Variants in STK39 observed in about 807,000 individuals in gnomAD.
STK39 encodes the protein serine/threonine kinase 39, also known as STE20/SPS1-related proline-alanine-rich protein kinase.
Under a neutral mutation model 77.8 loss-of-function variants are expected in STK39, and 20 were observed. That is an observed-to-expected ratio of 0.26 (90% CI 0.18 to 0.37). STK39 has a LOEUF of 0.37. Ranked by LOEUF, STK39 falls within the 10% of genes least tolerant of loss-of-function variation. The pLI is 1.00. For synonymous variants in STK39, 246 were observed against 234.1 expected (o/e 1.05, Z -0.47); for missense variants, 479 against 656.5 (o/e 0.73, Z 2.95).
intron 12 of STK39, among the ~76,000 whole-genome samples, chr2:168,068,607 C>A (rs66682533): frequency 3.9e-5 from 6 of 151,968 alleles, no homozygotes; most frequent in Admixed American, 1.3e-4. Context: ...CTGCACTGTC[C>A]CTGCAACGTT....
intron 2 of STK39, among the ~76,000 whole-genome samples, chr2:168,169,898 C>T (rs1477343720): frequency 2.0e-5 from 3 of 152,106 alleles, no homozygotes; most frequent in Non-Finnish European, 4.4e-5. Flanking sequence ...ATCACTCAAC[C>T]TCACATTCTT....
At chr2:168,085,136 A>G (rs1188282435) in intron 10 of STK39, among the ~76,000 whole-genome samples, 1 of 152,252 alleles carries the variant, frequency 6.6e-6, no homozygotes, top group East Asian at 1.9e-4. Context: ...ACAAAAAGAA[A>G]CAGAATACAA....
At chr2:168,106,135 T>G (rs1686967900) in intron 10 of STK39, among the ~76,000 whole-genome samples, 1 of 152,132 alleles carries the variant, frequency 6.6e-6, no homozygotes, top group Non-Finnish European at 1.5e-5. Flanking sequence ...GCTAATTGAC[T>G]CCAGTATGTT....
At chr2:168,159,072 A>C (rs942353297) in intron 5 of STK39, among the ~76,000 whole-genome samples, 3 of 152,224 alleles carry the variant, frequency 2.0e-5, no homozygotes, top group Non-Finnish European at 4.4e-5. Flanking sequence ...CCTAAAAAAA[A>C]ACAAAAATCA....
intron 16 of STK39, among the ~76,000 whole-genome samples, chr2:167,994,629 C>T (rs1244694737): frequency 6.6e-6 from 1 of 152,198 alleles, no homozygotes; most frequent in Non-Finnish European, 1.5e-5. Context: ...CCAGCAACCA[C>T]AAATCTACTT....
At chr2:168,220,690 A>G (rs952467855) in intron 1 of STK39, among the ~76,000 whole-genome samples, 1 of 152,188 alleles carries the variant, frequency 6.6e-6, no homozygotes, top group Admixed American at 6.5e-5. Flanking sequence ...CAATATTTCT[A>G]GGGAAATTTT....
chr2:168,155,721 C>T (rs1383241159), intron 5 of STK39, among the ~76,000 whole-genome samples: 2 of 152,136 alleles, frequency 1.3e-5, no homozygotes, highest in African/African-American at 4.8e-5. Flanking sequence ...AGTGATATTC[C>T]CCATTAAAAA....
intron 10 of STK39, among the ~76,000 whole-genome samples, chr2:168,096,718 C>A (rs766846587): frequency 2.0e-5 from 3 of 152,094 alleles, no homozygotes; most frequent in Non-Finnish European, 4.4e-5. Context: ...AGACATCAGG[C>A]CACAATTTTT....
At chr2:168,021,656 G>C (rs1684575159) in intron 14 of STK39, among the ~76,000 whole-genome samples, 1 of 152,048 alleles carries the variant, frequency 6.6e-6, no homozygotes, top group Non-Finnish European at 1.5e-5. Context: ...TCAACACTCG[G>C]CTGCCTTTGA....
At chr2:168,136,040 T>C (rs1687825670) in intron 8 of STK39, among the ~76,000 whole-genome samples, 1 of 151,018 alleles carries the variant, frequency 6.6e-6, no homozygotes, top group South Asian at 2.1e-4. Flanking sequence ...GCTCATATAA[T>C]GAATAAAATC....
At chr2:168,038,091 A>G (rs1335468962) in intron 14 of STK39, among the ~76,000 whole-genome samples, 14 of 152,320 alleles carry the variant, frequency 9.2e-5, no homozygotes, top group Non-Finnish European at 1.0e-4. Flanking sequence ...AAACATTTGG[A>G]GAAATGTTAC....
intron 16 of STK39, among the ~76,000 whole-genome samples, chr2:167,965,148 AGGCTT>A (rs1277835140): frequency 3.3e-5 from 5 of 149,838 alleles, no homozygotes; most frequent in Non-Finnish European, 7.4e-5. Flanking sequence ...AAAAAAACAA[AGGCTT>A]TCTCTGGAAA....
At position 167,954,117 on chromosome 2, in the gene STK39, T is replaced by C. The variant is rs202182215; in HGVS notation, c.*1379A>G. ...TAGAATGGAATGAAATTACATTAAA[T>C]TGTATGCAAATGGCTCTAGAACACC... On this transcript the variant is annotated 3_prime_UTR_variant, in exon 18 of 18. Coordinates refer to ENST00000355999, the MANE Select transcript of STK39 (RefSeq NM_013233.3). The C allele has an allele frequency of 1.3e-5, 2 of 152,794 alleles. No individual in the cohort carries two copies. Among genetic ancestry groups the C allele is most frequent in the Non-Finnish European group, 2.9e-5 (2 of 68,038 alleles). 9.5% of individuals were successfully genotyped at this position (152,794 alleles called of 1,614,324 possible).
chr2:168,103,226 G>A (rs2105455164), intron 10 of STK39, among the ~76,000 whole-genome samples: 1 of 152,124 alleles, frequency 6.6e-6, no homozygotes, highest in African/African-American at 2.4e-5. Flanking sequence ...CTCACTCCTG[G>A]CTTTCTATTT....
At chr2:167,989,671 C>T (rs1335477097) in intron 16 of STK39, among the ~76,000 whole-genome samples, 1 of 152,066 alleles carries the variant, frequency 6.6e-6, no homozygotes, top group East Asian at 1.9e-4. Context: ...GTCTTCATCC[C>T]TATTTACATA....
At chr2:167,977,304 T>C (rs1385232646) in intron 16 of STK39, among the ~76,000 whole-genome samples, 1 of 152,158 alleles carries the variant, frequency 6.6e-6, no homozygotes, top group Non-Finnish European at 1.5e-5. Context: ...ATAATCATTA[T>C]GTTATGGGAA....
chr2:168,065,241 TATCTTTCTAAA>T (rs1574434206), intron 13 of STK39, 67 bp downstream of exon 13: 5 of 1,484,668 alleles, frequency 3.4e-6, no homozygotes, highest in Non-Finnish European at 4.7e-6. Flanking sequence ...TGAAATTGTC[TATCTTTCTAAA>T]ATGTTGGTTT....
chr2:167,980,046 G>A (rs924887630), intron 16 of STK39, among the ~76,000 whole-genome samples: 1 of 152,182 alleles, frequency 6.6e-6, no homozygotes, highest in African/African-American at 2.4e-5. Flanking sequence ...AATACTCTAG[G>A]ACTCTAATGA....
intron 1 of STK39, among the ~76,000 whole-genome samples, chr2:168,188,476 G>T (rs1301187048): frequency 6.6e-6 from 1 of 152,200 alleles, no homozygotes; most frequent in Non-Finnish European, 1.5e-5. Context: ...TCTAATAAAA[G>T]TTCACCACAG....
Sources: allele counts gnomAD v4.1 joint callset (sites outside exome capture counted in the v4.1 genomes callset), GRCh38; gene constraint gnomAD v4.1.1; transcripts MANE v1.5; gene names NCBI Gene and HGNC (gene_info 2026-07-23, HGNC 2026-07-21).